MEGF10: variants seen among roughly 807,000 people sequenced by gnomAD.
MEGF10 encodes the protein multiple EGF like domains 10, also known as multiple epidermal growth factor-like domains protein 10.
MEGF10 carries 86 observed loss-of-function variants against 147.5 expected under a neutral mutation model. The observed-to-expected ratio is 0.58, with a 90% CI of 0.49 to 0.70. MEGF10 has a LOEUF of 0.70. MEGF10 is among the 30% of genes least tolerant of loss of function. The pLI is 0.00. For missense variants in MEGF10, 1,329 were observed against 1,487.3 expected (o/e 0.89, Z 1.75); for synonymous variants, 478 against 525.5 (o/e 0.91, Z 1.24).
chr5:127,454,707 GA>G (rs1184838190), intron 23 of MEGF10, 97 bp downstream of exon 23: 10 of 1,098,568 alleles, frequency 9.1e-6, no homozygotes, highest in Non-Finnish European at 1.2e-5. Flanking sequence ...AATGGCAAGA[GA>G]AAATGTAGAA....
intron 5 of MEGF10, among the ~76,000 whole-genome samples, chr5:127,379,040 A>G (rs1478515847): frequency 6.8e-6 from 1 of 147,626 alleles, no homozygotes; most frequent in Admixed American, 6.8e-5. Context: ...GTTTAACTCC[A>G]CTTCATATCA....
At chr5:127,368,801 A>G (rs1220824751) in intron 4 of MEGF10, among the ~76,000 whole-genome samples, 2 of 152,218 alleles carry the variant, frequency 1.3e-5, no homozygotes, top group Non-Finnish European at 2.9e-5. Flanking sequence ...CTTAGTGCAT[A>G]AATCACATAT....
At chr5:127,436,886 T>C (rs987461915) in intron 16 of MEGF10, among the ~76,000 whole-genome samples, 2 of 152,216 alleles carry the variant, frequency 1.3e-5, no homozygotes, top group African/African-American at 4.8e-5. Context: ...GCAAAGTCCT[T>C]CACAGTGAAA....
intron 1 of MEGF10, among the ~76,000 whole-genome samples, chr5:127,293,420 C>T (rs4836318): frequency 0.39 from 58,669 of 151,976 alleles, 11,834 homozygotes; most frequent in Middle Eastern, 0.53. Flanking sequence ...TGAGAAATTG[C>T]TGATATTTGA....
At chr5:127,303,335 CA>C (rs1174955274) in intron 1 of MEGF10, among the ~76,000 whole-genome samples, 6,719 of 50,512 alleles carry the variant, frequency 0.13, 216 homozygotes, top group South Asian at 0.24. Flanking sequence ...GACTCCATGT[CA>C]AAAAAAAAAA....
chr5:127,316,639 C>G (rs749011739), intron 1 of MEGF10, among the ~76,000 whole-genome samples: 1 of 152,060 alleles, frequency 6.6e-6, no homozygotes, highest in Non-Finnish European at 1.5e-5. Flanking sequence ...ATAATGATTT[C>G]AGGGTTCCAG....
chr5:127,247,280 TGGTTGGGG>T, the MEGF10 span, among the ~76,000 whole-genome samples: 8 of 117,202 alleles, frequency 6.8e-5, no homozygotes, highest in Admixed American at 6.1e-4. Flanking sequence ...AGTGTGTGTG[TGGTTGGGG>T]GGTGGGGGAG....
At chr5:127,334,409 A>C (rs2126789667) in intron 2 of MEGF10, among the ~76,000 whole-genome samples, 1 of 152,286 alleles carries the variant, frequency 6.6e-6, no homozygotes, top group Middle Eastern at 3.4e-3. Flanking sequence ...CATTTTAACA[A>C]GATCCCAGGG....
chr5:127,333,522 AAAT>A (rs1761350859), intron 2 of MEGF10, among the ~76,000 whole-genome samples: 1 of 152,034 alleles, frequency 6.6e-6, no homozygotes, highest in African/African-American at 2.4e-5. Context: ...AAAAAAATAA[AAAT>A]AAAAATAAAA....
chr5:127,265,926 T>C, the MEGF10 span, among the ~76,000 whole-genome samples: 3 of 152,236 alleles, frequency 2.0e-5, no homozygotes, highest in Non-Finnish European at 4.4e-5. Flanking sequence ...TTAGTTTAGT[T>C]AGATCCTGTT....
intron 1 of MEGF10, among the ~76,000 whole-genome samples, chr5:127,317,527 A>C (rs1760607892): frequency 6.6e-6 from 1 of 152,204 alleles, no homozygotes; most frequent in South Asian, 2.1e-4. Flanking sequence ...AGCTTTCTAC[A>C]TAGAAAATGT....
chr5:127,441,604 C>T (rs1231634705), intron 18 of MEGF10, among the ~76,000 whole-genome samples: 4 of 152,042 alleles, frequency 2.6e-5, no homozygotes, highest in Admixed American at 6.6e-5. Flanking sequence ...TTTCAGTATT[C>T]ACGATAAATA....
chr5:127,363,955 A>G lies in MEGF10; in HGVS notation c.320-5955A>G, dbSNP rs531759872. On this transcript the variant is annotated intron_variant, in intron 4 of 24. Coordinates refer to ENST00000503335, the MANE Select transcript of MEGF10 (RefSeq NM_001256545.2). ...TTCAGGGATGGGATGCAAGGAAAAA[A>G]GTGTGTGAAGCAGCTGTTTTTGGGC... Among the ~76,000 whole-genome samples, 9 of 152,280 alleles carry G rather than the reference A, an allele frequency of 5.9e-5. No homozygotes were observed. In the South Asian group the frequency reaches 1.9e-3, roughly 32 times the overall value.
chr5:127,293,033 C>G (rs1223912713), intron 1 of MEGF10, among the ~76,000 whole-genome samples: 1 of 152,124 alleles, frequency 6.6e-6, no homozygotes, highest in Admixed American at 6.5e-5. Context: ...AGAAATTGAA[C>G]AAAATATTCC....
chr5:127,456,132 T>C (rs969853573), intron 24 of MEGF10, among the ~76,000 whole-genome samples: 3 of 152,210 alleles, frequency 2.0e-5, no homozygotes, highest in Non-Finnish European at 4.4e-5. Context: ...ATATGTATCA[T>C]ATTAGCTAAT....
At chr5:127,395,481 T>G (rs1477228970) in intron 5 of MEGF10, among the ~76,000 whole-genome samples, 2 of 151,646 alleles carry the variant, frequency 1.3e-5, no homozygotes, top group Admixed American at 1.3e-4. Flanking sequence ...TTTCTGCCCT[T>G]TTTTTTGGTC....
intron 4 of MEGF10, 56 bp from the exon 5 acceptor site, chr5:127,369,854 T>A: frequency 7.0e-7 from 1 of 1,427,732 alleles, no homozygotes. Context: ...AGCTGTGTTG[T>A]TGGCTTTTTT....
chr5:127,300,051 G>A (rs1759700397), intron 1 of MEGF10: 1 of 152,170 alleles, frequency 6.6e-6, no homozygotes, highest in South Asian at 2.1e-4. Flanking sequence ...AGAGAGGCAA[G>A]TAGCTTTATT....
intron 5 of MEGF10, among the ~76,000 whole-genome samples, chr5:127,381,129 A>G (rs905164008): frequency 6.6e-6 from 1 of 152,206 alleles, no homozygotes; most frequent in Admixed American, 6.5e-5. Flanking sequence ...TTACTTCTCA[A>G]GGTGGAAATT....
Sources: gnomAD v4.1 joint callset for allele counts (sites outside exome capture counted in the v4.1 genomes callset) on GRCh38, gnomAD v4.1.1 for gene constraint, MANE v1.5 for transcripts, NCBI Gene and HGNC (gene_info 2026-07-23, HGNC 2026-07-21) for gene names.